DLGAP2: variants seen among roughly 807,000 people sequenced by gnomAD.
DLGAP2 encodes the protein DLG associated protein 2.
DLGAP2 carries 26 observed loss-of-function variants against 100.3 expected under a neutral mutation model. That is an observed-to-expected ratio of 0.26 (90% confidence interval 0.19 to 0.36). The LOEUF (loss-of-function observed/expected upper bound fraction) is 0.36. Among genes scored for constraint, DLGAP2 ranks in the 10% least tolerant of loss-of-function variants. The pLI, the probability that DLGAP2 is intolerant of heterozygous loss-of-function variation, is 1.00. For synonymous variants in DLGAP2, 886 were observed against 630.1 expected, an observed-to-expected ratio of 1.41 and a Z score of -6.08; for missense variants, 1,858 against 1,453.2, an observed-to-expected ratio of 1.28 and a Z score of -4.53.
intron 2 of DLGAP2, among the ~76,000 whole-genome samples, chr8:1,147,701 T>G (rs1377113510): frequency 2.6e-5 from 4 of 152,088 alleles, no homozygotes; most frequent in African/African-American, 9.7e-5. Context: ...TCAGCTAATT[T>G]TTTCAGAGAC....
At chr8:1,352,496 C>G (rs1316559942) in intron 3 of DLGAP2, among the ~76,000 whole-genome samples, 5 of 152,180 alleles carry the variant, frequency 3.3e-5, no homozygotes, top group Admixed American at 6.5e-5. Flanking sequence ...TCTTCCCACC[C>G]CAGACAGACG....
chr8:1,189,540 A>G (rs1797589597), intron 2 of DLGAP2, among the ~76,000 whole-genome samples: 1 of 152,200 alleles, frequency 6.6e-6, no homozygotes, highest in Non-Finnish European at 1.5e-5. Flanking sequence ...ATGAATTCAC[A>G]GCATTTGGTT....
chr8:772,473 C>G (rs1203170730), intron 1 of DLGAP2, among the ~76,000 whole-genome samples: 1 of 152,084 alleles, frequency 6.6e-6, no homozygotes, highest in Non-Finnish European at 1.5e-5. Context: ...CAGGCACACA[C>G]CACCGTGTCT....
intron 3 of DLGAP2, among the ~76,000 whole-genome samples, chr8:1,332,040 C>T (rs1801168802): frequency 1.3e-5 from 2 of 152,224 alleles, no homozygotes; most frequent in African/African-American, 4.8e-5. Context: ...GCTGGTGAAC[C>T]AGTGTTGGGG....
chr8:1,637,285 C>A (rs1482907271), intron 8 of DLGAP2, among the ~76,000 whole-genome samples: 1 of 152,130 alleles, frequency 6.6e-6, no homozygotes, highest in Non-Finnish European at 1.5e-5. Context: ...TAGCTCTTTA[C>A]TGGAAAAATG....
At position 1,335,169 on chromosome 8, in the gene DLGAP2, G is replaced by A. The variant is rs547245972; in HGVS notation, c.106+76286G>A. On this transcript the variant is annotated intron_variant, in intron 3 of 14. Transcript: ENST00000637795. The stretch of plus-strand genomic sequence containing the variant: ...CAGATAATTTCTGGATTTCTTGGGA[G>A]CGACAAAGCAGAGGTAGTGTGGCCT... Among the ~76,000 whole-genome samples the A allele has an allele frequency of 1.2e-4, 18 of 152,308 alleles. 1 individual carries two copies. In the South Asian group the frequency reaches 3.7e-3, roughly 32 times the overall value.
chr8:1,431,127 G>C (rs182790544), intron 3 of DLGAP2, among the ~76,000 whole-genome samples: 1 of 152,336 alleles, frequency 6.6e-6, no homozygotes, highest in African/African-American at 2.4e-5. Context: ...TTACAACCCA[G>C]TGTACAGAGA....
rs753740976 is a variant in DLGAP2, at chr8:1,626,878, C to T, written c.1581C>T (p.Cys527=). The change falls in exon 7 of 15, where the codon TGC becomes TGT. Residue 527 remains cysteine, a synonymous_variant. Coordinates refer to ENST00000637795, the MANE Select transcript of DLGAP2 (RefSeq NM_001346810.2). The stretch of plus-strand genomic sequence containing the variant: ...TCAGCACCCTGAGCCAGGCCAGCTG[C>T]GTGAGCCAGGTCAGGGTCCCTTCGC... The part of the protein sequence containing the change: ...RAVSTLSQAS[C]VSQVSEAEIN... The T allele has an allele frequency of 3.8e-5, 61 of 1,601,458 alleles. No individual in the cohort carries two copies. The highest frequency in any genetic ancestry group is 5.1e-5 in the Admixed American group (3 of 58,808).
intron 3 of DLGAP2, among the ~76,000 whole-genome samples, chr8:1,449,147 C>G (rs143985734): frequency 9.2e-5 from 14 of 152,328 alleles, no homozygotes; most frequent in Admixed American, 2.0e-4. Context: ...TCATCTTCCC[C>G]TGATGGGGAA....
rs1490198310 is a variant in DLGAP2, at chr8:1,501,358, C to G, written c.107-8C>G. 1 of 1,535,748 alleles carries G rather than the reference C, an allele frequency of 6.5e-7. No individual in the cohort carries two copies. The highest frequency in any genetic ancestry group is 8.7e-7 in the Non-Finnish European group (1 of 1,146,736). ...CATTAAAGAGTGACTTTGTTTCTGT[C>G]TTTGCAGAGGAAGAAGCTGGAGACT... On this transcript the variant is annotated splice_region_variant and splice_polypyrimidine_tract_variant and intron_variant, in intron 3 of 14. Transcript: ENST00000637795.
chr8:815,799 A>C (rs918165572), intron 1 of DLGAP2, among the ~76,000 whole-genome samples: 2 of 152,230 alleles, frequency 1.3e-5, no homozygotes, highest in Non-Finnish European at 2.9e-5. Flanking sequence ...AAGAGGATAC[A>C]AAAGAAGAAT....
At chr8:1,475,520 T>C (rs559150758) in intron 3 of DLGAP2, among the ~76,000 whole-genome samples, 1 of 152,276 alleles carries the variant, frequency 6.6e-6, no homozygotes, top group East Asian at 1.9e-4. Flanking sequence ...CCGCTGATTG[T>C]TGCAGGCTGT....
chr8:1,183,358 T>G (rs1797432140), intron 2 of DLGAP2, among the ~76,000 whole-genome samples: 1 of 152,188 alleles, frequency 6.6e-6, no homozygotes, highest in Non-Finnish European at 1.5e-5. Flanking sequence ...TTATTTACTT[T>G]TAGATTATAG....
In DLGAP2 at chr8:1,095,251, C is replaced by T. The variant is rs556506647; in HGVS notation, c.74-163600C>T. ...ACAGGAATGGAGGCCCTCATAGTTG[C>T]GTTAGGGCCACGTTTGGGAAAGAAC... is the stretch of plus-strand genomic sequence containing the variant. On this transcript the variant is annotated intron_variant, in intron 2 of 14. Coordinates refer to ENST00000637795, the MANE Select transcript of DLGAP2 (RefSeq NM_001346810.2). Among the ~76,000 whole-genome samples, 105 of 152,286 alleles carry T rather than the reference C, an allele frequency of 6.9e-4. 2 individuals are homozygous for T. The highest frequency in any genetic ancestry group is 1.9e-3 in the African/African-American group (77 of 41,560).
Position 1,078,716 on chromosome 8 carries a change from C to G in DLGAP2, c.73+170750C>G, listed in dbSNP as rs111553481. Among the ~76,000 whole-genome samples, 735 of 152,186 alleles carry G rather than the reference C, an allele frequency of 4.8e-3. 7 individuals are homozygous for G. The highest frequency in any genetic ancestry group is 0.017 in the African/African-American group (701 of 41,518). ...TAGTGATATGCATTTAATTTTCTTCCTTGTCTTTTTGTGGCATTATAACTC... is the reference window on the plus strand; with the variant it reads ...TAGTGATATGCATTTAATTTTCTTCGTTGTCTTTTTGTGGCATTATAACTC... On this transcript the variant is annotated intron_variant, in intron 2 of 14. Transcript: ENST00000637795.
In DLGAP2 at chr8:1,001,133, A is replaced by T. The variant is rs557996619; in HGVS notation, c.73+93167A>T. Among the ~76,000 whole-genome samples, 8 of 152,352 alleles carry T rather than the reference A, an allele frequency of 5.3e-5. No homozygotes were observed. In the East Asian group the frequency reaches 1.5e-3, roughly 29 times the overall value. On this transcript the variant is annotated intron_variant, in intron 2 of 14. Transcript: ENST00000637795. ...TTCTTTTGATATAAAACATTTATTCATGAGTGTGTGCCCCTTTTTCTTGTA... is the reference window on the plus strand; with the variant it reads ...TTCTTTTGATATAAAACATTTATTCTTGAGTGTGTGCCCCTTTTTCTTGTA...
intron 1 of DLGAP2, among the ~76,000 whole-genome samples, chr8:782,168 C>T (rs551316718): frequency 1.6e-4 from 24 of 151,886 alleles, no homozygotes; most frequent in Admixed American, 3.9e-4. Flanking sequence ...TTATTGTGTG[C>T]ACCTCCCAGA....
intron 2 of DLGAP2, among the ~76,000 whole-genome samples, chr8:1,154,207 C>G (rs532057602): frequency 6.4e-4 from 98 of 152,134 alleles, no homozygotes; most frequent in Non-Finnish European, 1.3e-3. Context: ...ATCACTACGG[C>G]GTCGTCCAAG....
At position 1,049,144 on chromosome 8, in the gene DLGAP2, A is replaced by G. The variant is rs1404370356; in HGVS notation, c.73+141178A>G. On this transcript the variant is annotated intron_variant, in intron 2 of 14. Transcript: ENST00000637795. ...GGCGGGCACTGTCAATAATGTTTAG[A>G]CGACGACTGGTGTCTCTGAGCCTCG... Among the ~76,000 whole-genome samples the G allele has an allele frequency of 3.3e-5, 5 of 152,190 alleles. No individual in the cohort carries two copies. The East Asian group carries it at 9.6e-4, about 29-fold the overall frequency.
Sources: allele counts gnomAD v4.1 joint callset (sites outside exome capture counted in the v4.1 genomes callset), GRCh38; gene constraint gnomAD v4.1.1; transcripts MANE v1.5; gene names NCBI Gene and HGNC (gene_info 2026-07-23, HGNC 2026-07-21).